PCSK5: variants seen among roughly 807,000 people sequenced by gnomAD.
PCSK5 encodes the protein prohormone convertase 5.
PCSK5 carries 129 observed loss-of-function variants against 233.2 expected under a neutral mutation model. That is an observed-to-expected ratio of 0.55 (90% CI 0.48 to 0.64). The LOEUF is 0.64. Ranked by LOEUF, PCSK5 falls within the 30% of genes least tolerant of loss-of-function variation. The probability of loss-of-function intolerance (pLI) is 0.00; values close to 1 mark genes in which losing one functional copy is unlikely to be tolerated. For synonymous variants in PCSK5, 825 were observed against 879.2 expected (o/e 0.94, Z 1.09); for missense variants, 2,076 against 2,430.1 (o/e 0.85, Z 3.06).
chr9:76,003,882 C>T (rs1827365131), intron 3 of PCSK5, among the ~76,000 whole-genome samples: 1 of 152,104 alleles, frequency 6.6e-6, no homozygotes, highest in Non-Finnish European at 1.5e-5. Flanking sequence ...GATCACGGCT[C>T]ACTGCAGCAA....
At chr9:76,004,946 G>GT (rs1827413617) in intron 3 of PCSK5, among the ~76,000 whole-genome samples, 1 of 152,162 alleles carries the variant, frequency 6.6e-6, no homozygotes, top group Non-Finnish European at 1.5e-5. Flanking sequence ...GGTGTCATTG[G>GT]TTCTTATGTC....
chr9:76,094,459 G>T (rs1056085660), intron 7 of PCSK5, among the ~76,000 whole-genome samples: 5 of 151,294 alleles, frequency 3.3e-5, no homozygotes, highest in Non-Finnish European at 5.9e-5. Context: ...AATTTCTTAG[G>T]GATTCAGCTG....
rs571820526 is a variant in PCSK5, at chr9:76,093,389, C to T, written c.895-2501C>T. 1.6e-4 allele frequency among the ~76,000 whole-genome samples: 24 copies of T among 151,786 alleles called. No individual in the cohort carries two copies. In the South Asian group the frequency reaches 5.0e-3, roughly 32 times the overall value. ...GGATTACAGGTGTTGGCCACTACACCCAGTCTACACATTGTTTCCTAAACT... is the reference window on the plus strand; with the variant it reads ...GGATTACAGGTGTTGGCCACTACACTCAGTCTACACATTGTTTCCTAAACT... On this transcript the variant is annotated intron_variant, in intron 7 of 37. Transcript: ENST00000674117.
At chr9:76,137,861 T>C (rs749257108) in intron 10 of PCSK5, among the ~76,000 whole-genome samples, 6 of 147,724 alleles carry the variant, frequency 4.1e-5, no homozygotes, top group Non-Finnish European at 9.0e-5. Flanking sequence ...CTGTTTGGGG[T>C]TTTGTTAGTA....
intron 3 of PCSK5, among the ~76,000 whole-genome samples, chr9:76,002,077 T>C (rs1208187327): frequency 6.6e-6 from 1 of 152,210 alleles, no homozygotes; most frequent in Non-Finnish European, 1.5e-5. Flanking sequence ...TTGGTAATGA[T>C]TTTATTCATT....
chr9:76,314,335 G>A (rs1452565356), intron 30 of PCSK5, among the ~76,000 whole-genome samples: 1 of 152,084 alleles, frequency 6.6e-6, no homozygotes, highest in East Asian at 1.9e-4. Flanking sequence ...TCCTGTTATG[G>A]GTAGGGTGAT....
At chr9:76,325,627 C>T (rs565299219) in intron 32 of PCSK5, among the ~76,000 whole-genome samples, 1 of 148,544 alleles carries the variant, frequency 6.7e-6, no homozygotes, top group South Asian at 2.1e-4. Flanking sequence ...TGTCTCCCTA[C>T]AATGACATTG....
chr9:76,016,995 T>C (rs952743527), intron 3 of PCSK5, among the ~76,000 whole-genome samples: 2 of 152,246 alleles, frequency 1.3e-5, no homozygotes, highest in South Asian at 4.1e-4. Flanking sequence ...CTGGCACTCT[T>C]AACATTTCTA....
chr9:76,213,067 T>G (rs1438773093), intron 20 of PCSK5, among the ~76,000 whole-genome samples: 1 of 152,342 alleles, frequency 6.6e-6, no homozygotes, highest in Non-Finnish European at 1.5e-5. Flanking sequence ...AGGCAGGACA[T>G]GTATCATTGT....
At chr9:75,906,898 A>G (rs978759301) in intron 1 of PCSK5, among the ~76,000 whole-genome samples, 10 of 152,174 alleles carry the variant, frequency 6.6e-5, no homozygotes, top group Admixed American at 4.6e-4. Context: ...ATTACGCTCA[A>G]TGCTTTCCTG....
At chr9:76,207,143 G>GA (rs1381281979) in intron 20 of PCSK5, among the ~76,000 whole-genome samples, 3 of 152,068 alleles carry the variant, frequency 2.0e-5, no homozygotes, top group Admixed American at 2.0e-4. Flanking sequence ...GAACACTTGT[G>GA]ATTATATTGG....
intron 5 of PCSK5, among the ~76,000 whole-genome samples, chr9:76,064,431 G>A (rs1830187701): frequency 7.5e-6 from 1 of 133,476 alleles, no homozygotes; most frequent in African/African-American, 3.0e-5. Context: ...CCTCCCTCCC[G>A]GATGGCACGG....
chr9:76,084,963 T>G (rs1490008445), intron 7 of PCSK5, among the ~76,000 whole-genome samples: 1 of 152,188 alleles, frequency 6.6e-6, no homozygotes, highest in Non-Finnish European at 1.5e-5. Flanking sequence ...TGAACATTAT[T>G]ATAACACCTA....
At chr9:76,245,493 T>A (rs1371718532) in intron 24 of PCSK5, among the ~76,000 whole-genome samples, 1 of 152,118 alleles carries the variant, frequency 6.6e-6, no homozygotes, top group Non-Finnish European at 1.5e-5. Flanking sequence ...GAGGTGAACA[T>A]TAGTGTTTAC....
chr9:76,266,763 A>G (rs904429695), intron 24 of PCSK5, among the ~76,000 whole-genome samples: 9 of 152,188 alleles, frequency 5.9e-5, no homozygotes, highest in African/African-American at 1.2e-4. Flanking sequence ...TGATGTATCA[A>G]TGGCTTTCCT....
intron 20 of PCSK5, among the ~76,000 whole-genome samples, chr9:76,226,163 G>A (rs1305659434): frequency 6.6e-6 from 1 of 152,134 alleles, no homozygotes; most frequent in Non-Finnish European, 1.5e-5. Flanking sequence ...GTGATTAGAT[G>A]TTTGCATCAC....
intron 28 of PCSK5, among the ~76,000 whole-genome samples, chr9:76,302,752 G>A (rs987329611): frequency 2.6e-5 from 4 of 152,138 alleles, no homozygotes; most frequent in African/African-American, 9.7e-5. Context: ...GTGATAAACC[G>A]TGTGAATAGA....
intron 9 of PCSK5, among the ~76,000 whole-genome samples, chr9:76,124,629 C>A (rs188195806): frequency 6.6e-6 from 1 of 151,592 alleles, no homozygotes; most frequent in Admixed American, 6.6e-5. Context: ...CCTGTAGAAC[C>A]CAGCTACTCG....
chr9:76,128,193 A>T (rs1051111132), intron 9 of PCSK5, among the ~76,000 whole-genome samples: 3 of 152,138 alleles, frequency 2.0e-5, no homozygotes, highest in African/African-American at 4.8e-5. Context: ...AGGGGGATAC[A>T]TTTAGGAACA....
Sources: gnomAD v4.1 joint callset for allele counts (sites outside exome capture counted in the v4.1 genomes callset) on GRCh38, gnomAD v4.1.1 for gene constraint, MANE v1.5 for transcripts, NCBI Gene and HGNC (gene_info 2026-07-23, HGNC 2026-07-21) for gene names.